SGCD: variants seen among roughly 807,000 people sequenced by gnomAD.
SGCD encodes the protein delta-sarcoglycan.
Under a neutral mutation model 36.6 loss-of-function variants are expected in SGCD, and 18 were observed. The ratio of observed to expected loss-of-function variants is 0.49; its 90% CI spans 0.34 to 0.73. The LOEUF is 0.73. SGCD is among the 30% of genes least tolerant of loss of function. The pLI, the probability that SGCD is intolerant of heterozygous loss-of-function variation, is 0.01. For synonymous variants in SGCD, 133 were observed against 130.6 expected, an observed-to-expected ratio of 1.02 and a Z score of -0.12; for missense variants, 387 against 346.7, an observed-to-expected ratio of 1.12 and a Z score of -0.92.
intron 1 of SGCD, among the ~76,000 whole-genome samples, chr5:156,091,939 C>A (rs1388786365): frequency 6.6e-6 from 1 of 152,232 alleles, no homozygotes; most frequent in Non-Finnish European, 1.5e-5. Flanking sequence ...GAGAAATAGG[C>A]TATGAGTTGC....
At chr5:156,176,903 G>C (rs1379082676) in intron 3 of SGCD, among the ~76,000 whole-genome samples, 1 of 152,146 alleles carries the variant, frequency 6.6e-6, no homozygotes, top group Non-Finnish European at 1.5e-5. Flanking sequence ...AAAAGACATA[G>C]GGACCCCTAG....
At chr5:156,246,706 G>T (rs950959448) in intron 3 of SGCD, among the ~76,000 whole-genome samples, 9 of 152,236 alleles carry the variant, frequency 5.9e-5, no homozygotes, top group East Asian at 3.9e-4. Context: ...GTTAAAAAAT[G>T]TCTTTTTTTG....
chr5:156,178,825 G>A (rs1053363406), intron 3 of SGCD, among the ~76,000 whole-genome samples: 20 of 152,228 alleles, frequency 1.3e-4, no homozygotes, highest in Admixed American at 1.2e-3. Context: ...CTCAGCCTCA[G>A]AAAGTGCTGG....
At chr5:155,750,192 G>A in the SGCD span, among the ~76,000 whole-genome samples, 1 of 152,104 alleles carries the variant, frequency 6.6e-6, no homozygotes, top group Admixed American at 6.6e-5. Context: ...TTAGAATCTG[G>A]GCACTTGTAA....
chr5:155,879,571 G>A (rs189068333), intron 1 of SGCD, among the ~76,000 whole-genome samples: 3 of 152,194 alleles, frequency 2.0e-5, no homozygotes, highest in Admixed American at 2.0e-4. Flanking sequence ...AATTTTTCAG[G>A]CTTCTAAAAA....
At chr5:156,277,145 A>AAG (rs1160367152) in intron 3 of SGCD, among the ~76,000 whole-genome samples, 3 of 152,204 alleles carry the variant, frequency 2.0e-5, no homozygotes, top group Non-Finnish European at 4.4e-5. Flanking sequence ...CCAGTGGTTA[A>AAG]AGGGATGGAG....
chr5:156,226,853 G>C (rs1046168170), intron 3 of SGCD, among the ~76,000 whole-genome samples: 1 of 152,038 alleles, frequency 6.6e-6, no homozygotes, highest in East Asian at 1.9e-4. Flanking sequence ...TAGTGACATT[G>C]AGCATTTTTT....
chr5:155,854,959 C>G, the SGCD span, among the ~76,000 whole-genome samples: 1 of 152,140 alleles, frequency 6.6e-6, no homozygotes, highest in Non-Finnish European at 1.5e-5. Flanking sequence ...CCCAAGTCAA[C>G]TATTACTCAA....
chr5:156,280,579 C>T (rs938066738), intron 3 of SGCD, among the ~76,000 whole-genome samples: 1 of 152,138 alleles, frequency 6.6e-6, no homozygotes, highest in Non-Finnish European at 1.5e-5. Flanking sequence ...TCTTTGGGTT[C>T]TGCAATTATG....
intron 1 of SGCD, among the ~76,000 whole-genome samples, chr5:156,104,488 A>T (rs1486873166): frequency 6.6e-6 from 1 of 152,088 alleles, no homozygotes; most frequent in African/African-American, 2.4e-5. Context: ...GTGCAAGTTT[A>T]TTTGCTGGAT....
chr5:156,482,638 G>T (rs1755481927), intron 3 of SGCD, among the ~76,000 whole-genome samples: 1 of 152,062 alleles, frequency 6.6e-6, no homozygotes, highest in Non-Finnish European at 1.5e-5. Context: ...CATTGTAAAT[G>T]AGTAAGATGA....
At chr5:155,940,616 TG>T (rs766358027) in intron 1 of SGCD, among the ~76,000 whole-genome samples, 4 of 151,914 alleles carry the variant, frequency 2.6e-5, no homozygotes, top group Admixed American at 6.6e-5. Flanking sequence ...GAGGCTGAGG[TG>T]GGTGGGTCAC....
intron 7 of SGCD, among the ~76,000 whole-genome samples, chr5:156,653,493 C>CTTGTTTTTTTTTTTTTTTTTTT (rs1763545133): frequency 4.2e-5 from 2 of 48,082 alleles, no homozygotes; most frequent in African/African-American, 6.4e-5. Flanking sequence ...CTAAAGCTTG[C>CTTGTTTTTTTTTTTTTTTTTTT]TTTTTTTTTT....
At chr5:155,911,804 G>A (rs1316287230) in intron 1 of SGCD, among the ~76,000 whole-genome samples, 1 of 151,984 alleles carries the variant, frequency 6.6e-6, no homozygotes, top group Non-Finnish European at 1.5e-5. Flanking sequence ...ATAGAGGATG[G>A]CCCTGCACTC....
chr5:156,705,699 T>C (rs543267862), intron 7 of SGCD, among the ~76,000 whole-genome samples: 1 of 152,304 alleles, frequency 6.6e-6, no homozygotes, highest in South Asian at 2.1e-4. Context: ...ATATTGGTGA[T>C]AAGCTGTGTG....
chr5:155,830,475 T>C, the SGCD span, among the ~76,000 whole-genome samples: 2 of 152,190 alleles, frequency 1.3e-5, no homozygotes, highest in Non-Finnish European at 2.9e-5. Flanking sequence ...GGATTTAACA[T>C]ACGAATTTTA....
In SGCD at chr5:156,134,461, G is replaced by A. The variant is rs544511839; in HGVS notation, c.-44+10442G>A. Among the ~76,000 whole-genome samples, 28 of 152,148 alleles carry A rather than the reference G, an allele frequency of 1.8e-4. No individual in the cohort carries two copies. The South Asian group carries it at 5.8e-3, about 32-fold the overall frequency. ...TCCCCCAGTCTTTCCACCAGCTTCA[G>A]TGAATGTCTCCATTTATTAGAAACA... On this transcript the variant is annotated intron_variant, in intron 3 of 9. Coordinates refer to the SGCD transcript ENST00000517913.
chr5:155,768,770 A>G, the SGCD span, among the ~76,000 whole-genome samples: 1 of 152,126 alleles, frequency 6.6e-6, no homozygotes, highest in Non-Finnish European at 1.5e-5. Context: ...CACCTCAAAA[A>G]TTCCTCTTGT....
intron 1 of SGCD, among the ~76,000 whole-genome samples, chr5:155,895,602 A>G (rs1035648066): frequency 3.3e-5 from 5 of 152,002 alleles, no homozygotes; most frequent in African/African-American, 4.8e-5. Flanking sequence ...AAATAAATAC[A>G]TTTGGACCTA....
Sources: gnomAD v4.1 joint callset for allele counts (sites outside exome capture counted in the v4.1 genomes callset) on GRCh38, gnomAD v4.1.1 for gene constraint, MANE v1.5 for transcripts, NCBI Gene and HGNC (gene_info 2026-07-23, HGNC 2026-07-21) for gene names.